The following CPA6 variants were observed in gnomAD, a reference collection of about 807,000 sequenced individuals.
The protein encoded by CPA6 is carboxypeptidase A6, also known as carboxypeptidase B.
CPA6 carries 58 observed loss-of-function variants against 63.3 expected under a neutral mutation model. The observed-to-expected ratio is 0.92, with a 90% CI of 0.74 to 1.14. CPA6 has a LOEUF of 1.14. Among genes scored for constraint, CPA6 ranks in the 50% most tolerant of loss-of-function variants. The probability of loss-of-function intolerance (pLI) is 0.00; values close to 1 mark genes in which losing one functional copy is unlikely to be tolerated. For synonymous variants in CPA6, 185 were observed against 179.0 expected (o/e 1.03, Z -0.27); for missense variants, 565 against 526.6 (o/e 1.07, Z -0.71).
chr8:67,653,125 G>A (rs982166766), intron 1 of CPA6, among the ~76,000 whole-genome samples: 12 of 151,898 alleles, frequency 7.9e-5, no homozygotes, highest in African/African-American at 2.7e-4. Context: ...CCAGTACCAT[G>A]CTGTTTTGGT....
At chr8:67,587,674 T>G (rs554462739) in intron 2 of CPA6, among the ~76,000 whole-genome samples, 3 of 152,260 alleles carry the variant, frequency 2.0e-5, no homozygotes, top group South Asian at 4.1e-4. Flanking sequence ...CTGAGAGAGC[T>G]CCTGTTAGTG....
chr8:67,700,982 T>C (rs970237081), intron 1 of CPA6, among the ~76,000 whole-genome samples: 1 of 152,182 alleles, frequency 6.6e-6, no homozygotes, highest in East Asian at 1.9e-4. Flanking sequence ...TCTATGACTT[T>C]AGAATATTAT....
chr8:67,515,171 G>C (rs1812118054), intron 3 of CPA6, among the ~76,000 whole-genome samples: 2 of 152,112 alleles, frequency 1.3e-5, no homozygotes, highest in Admixed American at 1.3e-4. Context: ...AAAAAGTTTG[G>C]GTAGTTGGAG....
chr8:67,622,468 A>C (rs1262389048), intron 2 of CPA6, among the ~76,000 whole-genome samples: 1 of 152,202 alleles, frequency 6.6e-6, no homozygotes, highest in Non-Finnish European at 1.5e-5. Context: ...ATTGCATAAA[A>C]CAACCACAAT....
chr8:67,447,135 T>C (rs141136491), intron 8 of CPA6, among the ~76,000 whole-genome samples: 76 of 151,658 alleles, frequency 5.0e-4, no homozygotes, highest in African/African-American at 1.7e-3. Flanking sequence ...CATATATATA[T>C]ACACAAAAGA....
At chr8:67,477,758 G>C (rs1011433017) in intron 8 of CPA6, among the ~76,000 whole-genome samples, 4 of 152,188 alleles carry the variant, frequency 2.6e-5, no homozygotes, top group African/African-American at 9.7e-5. Context: ...TCCAGTGACA[G>C]AAATTCACTC....
At chr8:67,606,678 C>T (rs1814645184) in intron 2 of CPA6, among the ~76,000 whole-genome samples, 1 of 152,184 alleles carries the variant, frequency 6.6e-6, no homozygotes, top group Non-Finnish European at 1.5e-5. Context: ...GACAAAGACT[C>T]CCTGCTTTGG....
intron 1 of CPA6, among the ~76,000 whole-genome samples, chr8:67,667,967 C>T (rs1816266551): frequency 6.6e-6 from 1 of 152,220 alleles, no homozygotes; most frequent in South Asian, 2.1e-4. Context: ...GCCACGGCCA[C>T]ACATCTATTC....
chr8:67,435,413 A>G (rs1173091706), intron 8 of CPA6, among the ~76,000 whole-genome samples: 1 of 152,096 alleles, frequency 6.6e-6, no homozygotes, highest in Non-Finnish European at 1.5e-5. Flanking sequence ...GTAAAAGCCC[A>G]CAGATGTTGG....
At chr8:67,724,786 C>G (rs1237341554) in intron 1 of CPA6, among the ~76,000 whole-genome samples, 3 of 152,298 alleles carry the variant, frequency 2.0e-5, no homozygotes, top group Non-Finnish European at 4.4e-5. Context: ...CTTCCTTTCC[C>G]AAGCTGGAGA....
intron 1 of CPA6, among the ~76,000 whole-genome samples, chr8:67,654,507 C>T (rs1031370099): frequency 6.6e-6 from 1 of 152,098 alleles, no homozygotes; most frequent in Non-Finnish European, 1.5e-5. Flanking sequence ...CCCATTTCTT[C>T]TAGATTTTCT....
intron 1 of CPA6, among the ~76,000 whole-genome samples, chr8:67,640,595 G>C (rs1815568841): frequency 2.0e-5 from 3 of 151,398 alleles, no homozygotes. Flanking sequence ...GTGCCTGGGA[G>C]GGTAGGGGTC....
At chr8:67,716,117 G>T (rs1817372762) in intron 1 of CPA6, among the ~76,000 whole-genome samples, 1 of 130,136 alleles carries the variant, frequency 7.7e-6, no homozygotes, top group African/African-American at 2.9e-5. Context: ...TCACGCCATT[G>T]TACTCCAGCC....
intron 2 of CPA6, among the ~76,000 whole-genome samples, chr8:67,562,090 T>G (rs1168095788): frequency 6.6e-6 from 1 of 152,152 alleles, no homozygotes; most frequent in Non-Finnish European, 1.5e-5. Context: ...CTCTGGAAAG[T>G]TACAGACTGT....
At chr8:67,518,469 T>A (rs541501720) in intron 2 of CPA6, among the ~76,000 whole-genome samples, 1 of 151,688 alleles carries the variant, frequency 6.6e-6, no homozygotes, top group East Asian at 1.9e-4. Context: ...AATGGAACAT[T>A]CTCTCATTCT....
intron 6 of CPA6, among the ~76,000 whole-genome samples, chr8:67,486,996 G>T (rs952294989): frequency 6.6e-6 from 1 of 151,862 alleles, no homozygotes; most frequent in African/African-American, 2.4e-5. Flanking sequence ...CTCCCAAGTA[G>T]CTGGGACTTC....
At chr8:67,734,790 A>G (rs977152031) in intron 1 of CPA6, among the ~76,000 whole-genome samples, 1 of 152,220 alleles carries the variant, frequency 6.6e-6, no homozygotes, top group African/African-American at 2.4e-5. Context: ...ATAAGACCCC[A>G]ATCATCTCAT....
In CPA6 at chr8:67,483,835, C is replaced by T; in HGVS notation, c.771G>A (p.Arg257=). ...GGCAGCGAAACCTTGAGTTCCTTGACCTTGTTTTTCTCCAAAATCGATCCT... is the reference window on the plus strand; with the variant it reads ...GGCAGCGAAACCTTGAGTTCCTTGATCTTGTTTTTCTCCAAAATCGATCCT... ...WTNDRFWRKT[R]SRNSRFRCRG... Residue 257 remains arginine (R), a synonymous_variant, in exon 8 of 11, where the codon AGG becomes AGA. Transcript: ENST00000297770. The T allele has an allele frequency of 1.9e-6, 3 of 1,614,108 alleles. No individual in the cohort carries two copies. Among genetic ancestry groups the T allele is most frequent in the South Asian group, 2.2e-5 (2 of 91,088 alleles).
chr8:67,733,437 A>G (rs1292853198), intron 1 of CPA6, among the ~76,000 whole-genome samples: 1 of 151,864 alleles, frequency 6.6e-6, no homozygotes, highest in Non-Finnish European at 1.5e-5. Flanking sequence ...CACGCGTGGA[A>G]GTTTCTACCC....
Sources: gnomAD v4.1 joint callset for allele counts (sites outside exome capture counted in the v4.1 genomes callset) on GRCh38, gnomAD v4.1.1 for gene constraint, MANE v1.5 for transcripts, NCBI Gene and HGNC (gene_info 2026-07-23, HGNC 2026-07-21) for gene names.